Variants in CDKN2B-AS1 observed in about 807,000 individuals in gnomAD.
The protein encoded by CDKN2B-AS1 is CDKN2B antisense RNA 1 (non-protein coding).
intron 4 of CDKN2B-AS1, among the ~76,000 whole-genome samples, chr9:22,098,004 A>T (rs1825343082): frequency 6.6e-6 from 1 of 152,180 alleles, no homozygotes. Flanking sequence ...GCAATAAATA[A>T]AATCCCTCCT....
intron 4 of CDKN2B-AS1, among the ~76,000 whole-genome samples, chr9:22,098,956 A>C (rs1234552819): frequency 6.6e-6 from 1 of 152,206 alleles, no homozygotes; most frequent in East Asian, 1.9e-4. Context: ...GAAAAATAAG[A>C]GTAGTGAAGA....
intron 4 of CDKN2B-AS1, chr9:22,096,601 G>A (rs72652449): frequency 6.6e-6 from 1 of 152,136 alleles, no homozygotes; most frequent in South Asian, 2.1e-4. Context: ...GTGCCTTCTG[G>A]TTAAAATACA....
At chr9:22,056,883 G>C (rs1563951860) in intron 4 of CDKN2B-AS1, among the ~76,000 whole-genome samples, 1 of 151,986 alleles carries the variant, frequency 6.6e-6, no homozygotes, top group Non-Finnish European at 1.5e-5. Context: ...TAGAATTCTT[G>C]ATTCTTTGCT....
chr9:22,059,472 A>G (rs538893068), intron 4 of CDKN2B-AS1, among the ~76,000 whole-genome samples: 2 of 152,294 alleles, frequency 1.3e-5, no homozygotes, highest in East Asian at 1.9e-4. Flanking sequence ...GTGGGTTGCC[A>G]TGGTCTTGGG....
intron 4 of CDKN2B-AS1, among the ~76,000 whole-genome samples, chr9:22,121,874 T>G (rs1826110774): frequency 6.6e-6 from 1 of 152,156 alleles, no homozygotes; most frequent in Admixed American, 6.5e-5. Flanking sequence ...AGATGTCTCT[T>G]TGATATAATG....
intron 1 of CDKN2B-AS1, among the ~76,000 whole-genome samples, chr9:22,011,147 TA>T (rs1321104808): frequency 6.6e-6 from 1 of 152,194 alleles, no homozygotes; most frequent in Admixed American, 6.5e-5. Flanking sequence ...TGGGTGGTCC[TA>T]ACCAGCTCCA....
rs1253511104 is a variant in CDKN2B-AS1 at position 22,006,151 on chromosome 9, G to A, written n.29+10990G>A. On this transcript the variant is annotated intron_variant and non_coding_transcript_variant, in intron 1 of 4. Coordinates refer to ENST00000650946, the Ensembl canonical transcript of CDKN2B-AS1. The surrounding 1 kb of genome is among the most constrained non-coding windows in gnomAD (Gnocchi z 6.4). ...AGGAAGCCCTCCCGGGCAGCATCAT[G>A]CACCGGTCGGGTGAGAGTGGCAGGG... 1 of 1,611,694 alleles carries A rather than the reference G, an allele frequency of 6.2e-7. No homozygotes were observed. The highest frequency in any genetic ancestry group is 1.1e-5 in the South Asian group (1 of 91,056).
intron 1 of CDKN2B-AS1, among the ~76,000 whole-genome samples, chr9:22,021,648 T>C (rs970143402): frequency 2.0e-5 from 3 of 151,908 alleles, no homozygotes; most frequent in African/African-American, 7.2e-5. Flanking sequence ...TTTTGTATCC[T>C]GAGACTTTGC....
chr9:22,081,683 C>G (rs1231811034), intron 4 of CDKN2B-AS1, among the ~76,000 whole-genome samples: 1 of 152,212 alleles, frequency 6.6e-6, no homozygotes, highest in Non-Finnish European at 1.5e-5. Context: ...AGACTCCAGC[C>G]TAGGAAGCTT....
chr9:22,014,053 C>A (rs1821631241), intron 1 of CDKN2B-AS1, among the ~76,000 whole-genome samples: 1 of 152,114 alleles, frequency 6.6e-6, no homozygotes, highest in South Asian at 2.1e-4. Context: ...TTCTAGCAGC[C>A]ATGGATAATT....
chr9:22,020,670 T>G (rs1239510375), intron 1 of CDKN2B-AS1, among the ~76,000 whole-genome samples: 1 of 152,210 alleles, frequency 6.6e-6, no homozygotes, highest in African/African-American at 2.4e-5. Context: ...TAGCCACATG[T>G]ATGTCTTCTT....
intron 1 of CDKN2B-AS1, chr9:22,008,624 T>C (rs1821313837): frequency 1.3e-6 from 2 of 1,573,994 alleles, no homozygotes; most frequent in Non-Finnish European, 1.7e-6. Context: ...TCAATGTCTC[T>C]CTTTAGGATT....
At chr9:22,036,052 C>A (rs1240508233) in intron 1 of CDKN2B-AS1, among the ~76,000 whole-genome samples, 1 of 152,022 alleles carries the variant, frequency 6.6e-6, no homozygotes, top group East Asian at 1.9e-4. Flanking sequence ...TTTTCTTGAG[C>A]CCCGTTTTTC....
intron 4 of CDKN2B-AS1, among the ~76,000 whole-genome samples, chr9:22,084,312 G>T (rs1201924458): frequency 3.3e-5 from 5 of 152,102 alleles, no homozygotes; most frequent in African/African-American, 1.2e-4. Flanking sequence ...TATTACCTTC[G>T]TAAAAGAAGC....
chr9:22,086,684 G>T (rs1362619355), intron 4 of CDKN2B-AS1, among the ~76,000 whole-genome samples: 1 of 152,176 alleles, frequency 6.6e-6, no homozygotes, highest in East Asian at 1.9e-4. Flanking sequence ...GTCTGAGGCA[G>T]CTGGGATAGG....
chr9:22,041,514 A>G (rs979404003), intron 1 of CDKN2B-AS1, among the ~76,000 whole-genome samples: 1 of 152,060 alleles, frequency 6.6e-6, no homozygotes, highest in Non-Finnish European at 1.5e-5. Context: ...TACCAGGAAA[A>G]CATATAAAAG....
At chr9:22,035,618 G>A (rs1587436288) in intron 1 of CDKN2B-AS1, among the ~76,000 whole-genome samples, 2 of 152,178 alleles carry the variant, frequency 1.3e-5, no homozygotes, top group Middle Eastern at 6.8e-3. Flanking sequence ...TGGAATGTTG[G>A]CACCAATATA....
At chr9:22,003,170 A>G (rs3217993) in intron 1 of CDKN2B-AS1, 20 of 216,826 alleles carry the variant, frequency 9.2e-5, no homozygotes, top group Admixed American at 5.8e-4. Context: ...CCTGTCTGCC[A>G]GGTGGCTTCG....
chr9:22,028,552 G>C (rs1468878724), intron 1 of CDKN2B-AS1, among the ~76,000 whole-genome samples: 1 of 152,044 alleles, frequency 6.6e-6, no homozygotes, highest in Non-Finnish European at 1.5e-5. Context: ...TGACACCCTA[G>C]TCTCAAATTT....
Sources: gnomAD v4.1 joint callset for allele counts (sites outside exome capture counted in the v4.1 genomes callset) on GRCh38, gnomAD v4.1.1 for gene constraint, Gnocchi (gnomAD v3.1) non-coding constraint, MANE v1.5 for transcripts, NCBI Gene and HGNC (gene_info 2026-07-23, HGNC 2026-07-21) for gene names.